Variants in TGFB1 observed in about 807,000 individuals in gnomAD.
The protein encoded by TGFB1 is transforming growth factor beta 1.
In TGFB1, 19 loss-of-function variants were observed where a neutral mutation model predicts 43.8. That is an observed-to-expected ratio of 0.43 (90% CI 0.30 to 0.64). TGFB1 has a LOEUF of 0.64. Among genes scored for constraint, TGFB1 ranks in the 30% least tolerant of loss-of-function variants. The pLI is 0.11. For missense variants in TGFB1, 445 were observed against 529.8 expected (o/e 0.84, Z 1.57); for synonymous variants, 221 against 236.3 (o/e 0.94, Z 0.60).
At position 41,340,317 on chromosome 19, in the gene TGFB1, C is replaced by T. The variant is rs143397998; in HGVS notation, c.860+1566G>A. 2.7e-5 allele frequency among the ~76,000 whole-genome samples: 4 copies of T among 146,942 alleles called. No individual in the cohort carries two copies. The East Asian group carries it at 7.9e-4, about 29-fold the overall frequency. On this transcript the variant is annotated intron_variant, in intron 5 of 6. Transcript: ENST00000221930. ...CATTGCCCAGGCCGGAGTGCAGTGG[C>T]GCGATCTCGGTTCACTGCAACCTCC...
chr19:41,336,968 T>A (rs78615843), intron 5 of TGFB1, among the ~76,000 whole-genome samples: 13 of 151,012 alleles, frequency 8.6e-5, no homozygotes, highest in African/African-American at 2.2e-4. Context: ...TTTTTTTTTT[T>A]AATTTTTGAG....
intron 1 of TGFB1, chr19:41,351,135 G>T (rs1442614141): frequency 6.6e-6 from 1 of 152,508 alleles, no homozygotes; most frequent in Non-Finnish European, 1.5e-5. Context: ...ATTTGTTGGG[G>T]AGAAGAGGAT....
chr19:41,338,496 C>CA (rs377737422), intron 5 of TGFB1, among the ~76,000 whole-genome samples: 21,568 of 119,420 alleles, frequency 0.18, 1,931 homozygotes, highest in African/African-American at 0.28. Flanking sequence ...AACTCCGTCT[C>CA]AAAAAAAAAA....
intron 2 of TGFB1, among the ~76,000 whole-genome samples, chr19:41,347,478 G>A (rs987883652): frequency 1.3e-5 from 2 of 152,072 alleles, no homozygotes; most frequent in Non-Finnish European, 2.9e-5. Context: ...CAACTCCTAA[G>A]ATTCCAGCCT....
intron 1 of TGFB1, among the ~76,000 whole-genome samples, chr19:41,351,940 C>T (rs1207037833): frequency 6.6e-6 from 1 of 152,056 alleles, no homozygotes; most frequent in Admixed American, 6.6e-5. Flanking sequence ...CTCCGCTGGG[C>T]TCCCCACTCT....
chr19:41,332,510 C>T (rs565710984), intron 5 of TGFB1, among the ~76,000 whole-genome samples: 1 of 152,220 alleles, frequency 6.6e-6, no homozygotes, highest in Non-Finnish European at 1.5e-5. Flanking sequence ...ATTAATTTCA[C>T]GCAATGCTTA....
At chr19:41,337,167 G>A (rs1394206696) in intron 5 of TGFB1, among the ~76,000 whole-genome samples, 1 of 151,866 alleles carries the variant, frequency 6.6e-6, no homozygotes, top group Non-Finnish European at 1.5e-5. Context: ...TGAGACGGGA[G>A]TCTCACTCTT....
chr19:41,346,360 C>A (rs527530152), intron 2 of TGFB1, among the ~76,000 whole-genome samples: 75 of 151,760 alleles, frequency 4.9e-4, no homozygotes, highest in Non-Finnish European at 8.4e-4. Context: ...CACACACACA[C>A]AAAAAAAAGA....
intron 2 of TGFB1, among the ~76,000 whole-genome samples, chr19:41,346,279 A>G (rs2038115285): frequency 6.6e-6 from 1 of 152,206 alleles, no homozygotes; most frequent in African/African-American, 2.4e-5. Flanking sequence ...GAACCCAGGA[A>G]GCAAAGGTTG....
At position 41,352,834 on chromosome 19, in the gene TGFB1, C is replaced by T. The variant is rs200230522; in HGVS notation, c.211G>A (p.Gly71Ser). 3.8e-6 allele frequency: 6 copies of T among 1,577,828 alleles called. No homozygotes were observed. The highest frequency in any genetic ancestry group is 4.3e-6 in the Non-Finnish European group (5 of 1,163,730). ...SPPSQGEVPP[G>S]PLPEAVLALY... is the part of the protein sequence containing the mutation. ...GCGAGCACGGCCTCGGGCAGCGGGC[C>T]GGGCGGCACCTCCCCCTGGCTCGGG... The change falls in exon 1 of 7, where the codon GGC becomes AGC. Residue 71 changes from glycine (G) to serine (S), a missense_variant. Gly to Ser is a moderately conservative substitution (Grantham distance 56). Around this residue, in one of 3 missense-constraint regions of TGFB1, gnomAD observed 366 missense variants for 428.8 expected, o/e 0.85. Transcript: ENST00000221930.
chr19:41,334,612 T>C (rs11466350), intron 5 of TGFB1, among the ~76,000 whole-genome samples: 335 of 151,820 alleles, frequency 2.2e-3, no homozygotes, highest in African/African-American at 7.5e-3. Context: ...ACCCTGTCTT[T>C]ACTAAAAATT....
chr19:41,349,251 A>C (rs971610163), intron 1 of TGFB1, among the ~76,000 whole-genome samples: 1 of 152,208 alleles, frequency 6.6e-6, no homozygotes, highest in Non-Finnish European at 1.5e-5. Flanking sequence ...GAAAAACAGC[A>C]ATAACATTAA....
chr19:41,350,927 G>C (rs1015302288), intron 1 of TGFB1: 1 of 152,532 alleles, frequency 6.6e-6, no homozygotes, highest in Non-Finnish European at 1.5e-5. Context: ...AAGGGTTGGA[G>C]GGTGATGCAG....
chr19:41,350,447 G>T (rs1249609048), intron 1 of TGFB1, among the ~76,000 whole-genome samples: 2 of 151,562 alleles, frequency 1.3e-5, no homozygotes, highest in African/African-American at 4.8e-5. Context: ...TGGGATTACA[G>T]GCGCCGCCCG....
At chr19:41,350,374 G>A (rs1370580531) in intron 1 of TGFB1, among the ~76,000 whole-genome samples, 2 of 144,828 alleles carry the variant, frequency 1.4e-5, no homozygotes, top group African/African-American at 5.1e-5. Flanking sequence ...GCGCGATCTT[G>A]GCTCATAGCA....
In TGFB1 at chr19:41,342,199, C is replaced by T. The variant is rs774585135; in HGVS notation, c.683G>A (p.Arg228Lys). ...GATGTCCACTTGCAGTGTGTTATCCCTGCTGTCACAGGAGCAGTGGGCGCT... is the reference window on the plus strand; with the variant it reads ...GATGTCCACTTGCAGTGTGTTATCCTTGCTGTCACAGGAGCAGTGGGCGCT... ...RLSAHCSCDS[R>K]DNTLQVDING... The change falls in exon 4 of 7, where the codon AGG (arginine) becomes AAG (lysine). Residue 228 changes from arginine (R) to lysine (K), a missense_variant. Arg to Lys is a conservative substitution (Grantham distance 26). Coordinates refer to ENST00000221930, the MANE Select transcript of TGFB1 (RefSeq NM_000660.7). 2.5e-5 allele frequency: 40 copies of T among 1,608,548 alleles called. No individual in the cohort carries two copies. The South Asian group carries it at 4.0e-4, about 16-fold the overall frequency.
intron 5 of TGFB1, among the ~76,000 whole-genome samples, chr19:41,334,831 C>T (rs575718148): frequency 6.6e-6 from 1 of 151,200 alleles, no homozygotes; most frequent in African/African-American, 2.4e-5. Flanking sequence ...TTGGTTGGAC[C>T]TCAGTTTCCT....
At chr19:41,338,570 G>T (rs1226661330) in intron 5 of TGFB1, among the ~76,000 whole-genome samples, 1 of 151,702 alleles carries the variant, frequency 6.6e-6, no homozygotes, top group Admixed American at 6.6e-5. Flanking sequence ...CGGGAGCAGT[G>T]GCTCATGCCT....
chr19:41,342,589 A>G (rs1347339944), intron 3 of TGFB1, among the ~76,000 whole-genome samples: 7 of 147,264 alleles, frequency 4.8e-5, no homozygotes. Context: ...ATATCAGCTC[A>G]CTGCAACCTC....
Sources: allele counts gnomAD v4.1 joint callset (sites outside exome capture counted in the v4.1 genomes callset), GRCh38; gene constraint gnomAD v4.1.1; regional missense constraint gnomAD v4.1.1; transcripts MANE v1.5; gene names NCBI Gene and HGNC (gene_info 2026-07-23, HGNC 2026-07-21).